Variants in HDAC7 observed in about 807,000 individuals in gnomAD.
HDAC7 encodes the protein histone deacetylase 7.
HDAC7 carries 26 observed loss-of-function variants against 115.5 expected under a neutral mutation model. The ratio of observed to expected loss-of-function variants is 0.23; its 90% CI spans 0.16 to 0.31. HDAC7 has a LOEUF of 0.31. Among genes scored for constraint, HDAC7 ranks in the 10% least tolerant of loss-of-function variants. The probability of loss-of-function intolerance (pLI) is 1.00; values close to 1 mark genes in which losing one functional copy is unlikely to be tolerated. For missense variants in HDAC7, 1,068 were observed against 1,329.0 expected, an observed-to-expected ratio of 0.80 and a Z score of 3.05; for synonymous variants, 564 against 550.9, an observed-to-expected ratio of 1.02 and a Z score of -0.33.
intron 1 of HDAC7, among the ~76,000 whole-genome samples, chr12:47,815,892 G>GA (rs1944834221): frequency 8.2e-6 from 1 of 122,292 alleles, no homozygotes; most frequent in South Asian, 2.6e-4. Context: ...GTCCAGCCAG[G>GA]ATTTTTTTTT....
intron 1 of HDAC7, among the ~76,000 whole-genome samples, chr12:47,810,382 G>A (rs181252001): frequency 1.3e-5 from 2 of 152,304 alleles, no homozygotes; most frequent in East Asian, 3.9e-4. Context: ...GTACACTGGC[G>A]TGGACTGCTT....
At chr12:47,787,935 G>A (rs768303065) in intron 20 of HDAC7, 110 bp downstream of exon 20, 5 of 1,562,244 alleles carry the variant, frequency 3.2e-6, no homozygotes, top group Non-Finnish European at 3.5e-6. Context: ...TTTAGGATCA[G>A]AGAGGCTCAG....
intron 1 of HDAC7, among the ~76,000 whole-genome samples, chr12:47,809,387 C>T (rs1198895010): frequency 6.6e-6 from 1 of 152,154 alleles, no homozygotes; most frequent in Non-Finnish European, 1.5e-5. Flanking sequence ...CAAGGCCACG[C>T]AGCCCATTCC....
chr12:47,801,785 G>C (rs1944177790), intron 2 of HDAC7, among the ~76,000 whole-genome samples: 1 of 152,194 alleles, frequency 6.6e-6, no homozygotes, highest in South Asian at 2.1e-4. Flanking sequence ...AGAGGGAGGA[G>C]GCGCAGACAG....
Position 47,790,091 on chromosome 12 carries a change from A to G in HDAC7, c.1984-171T>C. 3 of 596,696 alleles carry G rather than the reference A, an allele frequency of 5.0e-6. No individual in the cohort carries two copies. In the South Asian group the frequency reaches 5.7e-5, roughly 11 times the overall value. The allele number at this position is 596,696 out of a possible 1,614,324, so 37.0% of individuals were successfully genotyped here. ...AAGGCAAGGCCTCCTGTGTCCCCCAATCCCAGCATGACTTTTTCCCAGCTT... is the reference window on the plus strand; with the variant it reads ...AAGGCAAGGCCTCCTGTGTCCCCCAGTCCCAGCATGACTTTTTCCCAGCTT... On this transcript the variant is annotated intron_variant, in intron 16 of 25. Coordinates refer to ENST00000080059, the MANE Select transcript of HDAC7 (RefSeq NM_015401.5).
At chr12:47,804,458 T>C (rs1452950956) in intron 1 of HDAC7, among the ~76,000 whole-genome samples, 1 of 150,542 alleles carries the variant, frequency 6.6e-6, no homozygotes, top group Non-Finnish European at 1.5e-5. Flanking sequence ...CTGGCTTGAG[T>C]GTGGGACCTC....
chr12:47,788,289 G>GT (rs1943283588), intron 19 of HDAC7, 125 bp from the exon 20 acceptor site: 5 of 1,271,610 alleles, frequency 3.9e-6, no homozygotes, highest in Non-Finnish European at 4.2e-6. Context: ...GGAACCTGGG[G>GT]TTCCTAAAGC....
At chr12:47,820,538 A>T (rs1311251482), upstream of HDAC7, 2 of 151,204 alleles carry the variant, frequency 1.3e-5, no homozygotes, top group East Asian at 3.9e-4. This position sits in a 1 kb window ranked among gnomAD's most constrained non-coding sequence, Gnocchi z 4.3. Context: ...CCCCACTGGC[A>T]CCCCCACACA....
chr12:47,798,607 C>T lies in HDAC7; in HGVS notation c.304G>A (p.Glu102Lys), dbSNP rs201002817. 1 of 1,614,014 alleles carries T rather than the reference C, an allele frequency of 6.2e-7. No homozygotes were observed. The highest frequency in any genetic ancestry group is 1.7e-5 in the Admixed American group (1 of 60,014). ...TGGAGAAGCTGCCGCAGCTCTTGTT[C>T]CTGGGGTCCCACCTGCAACTCGGGC... ...PMPELQVGPQ[E>K]QELRQLLHKD... is the part of the protein sequence containing the mutation. The change falls in exon 4 of 26, where the codon GAA becomes AAA. Residue 102 changes from glutamate (E) to lysine (K), a missense_variant. Glu to Lys is a moderately conservative substitution (Grantham distance 56). Coordinates refer to ENST00000080059, the MANE Select transcript of HDAC7 (RefSeq NM_015401.5). The surrounding 1 kb of genome is among the most constrained non-coding windows in gnomAD (Gnocchi z 4.3).
At position 47,798,144 on chromosome 12, in the gene HDAC7, C is replaced by G. The variant is rs763407199; in HGVS notation, c.425G>C (p.Arg142Thr). The G allele has an allele frequency of 1.7e-5, 27 of 1,613,666 alleles. No individual in the cohort carries two copies. Among genetic ancestry groups the G allele is most frequent in the Non-Finnish European group, 2.2e-5 (26 of 1,179,898 alleles). Residue 142 changes from arginine (R) to threonine (T), a missense_variant, in exon 5 of 26, where the codon AGA becomes ACA. This residue lies in a region of HDAC7 where 618 missense variants were observed against 701.5 expected (regional missense o/e 0.88). Transcript: ENST00000080059. This position sits in a 1 kb window ranked among gnomAD's most constrained non-coding sequence, Gnocchi z 4.3. Reference protein sequence around the residue: ...ILKKQQAALERTVHPNSPGIP... With the variant: ...ILKKQQAALETTVHPNSPGIP... Reference sequence around the variant, plus strand: ...GCCGGGGCTGTTGGGATGGACTGTTCTTTCTAGGGCCGCCTGCTGTTTTTT... The same window carrying G: ...GCCGGGGCTGTTGGGATGGACTGTTGTTTCTAGGGCCGCCTGCTGTTTTTT...
At chr12:47,792,742 C>A in intron 13 of HDAC7, 1 of 448,762 alleles carries the variant, frequency 2.2e-6, no homozygotes, top group South Asian at 1.6e-5. Context: ...ATCTAAATGT[C>A]TAACTGATAA....
At position 47,798,553 on chromosome 12, in the gene HDAC7, C is replaced by A. The variant is rs1054600606; in HGVS notation, c.349+9G>T. On this transcript the variant is annotated intron_variant, in intron 4 of 25. Coordinates refer to ENST00000080059, the MANE Select transcript of HDAC7 (RefSeq NM_015401.5). The surrounding 1 kb of genome is among the most constrained non-coding windows in gnomAD (Gnocchi z 4.3). ...GGGCTGGGCTGGGCTGGGGTGGCCA[C>A]CTCCTTACTTCGCTTGCTCTTGTCC... The A allele has an allele frequency of 1.2e-6, 2 of 1,612,898 alleles. No individual in the cohort carries two copies. The highest frequency in any genetic ancestry group is 2.7e-5 in the African/African-American group (2 of 74,916).
chr12:47,797,291 GCCCAGCCC>G lies in HDAC7; in HGVS notation c.577+85_577+92del. ...AGCCTACCGATGATCTCCTGGCCCA[GCCCAGCCC>G]GCCCACCCCTGCACACTCCTCCCCC... On this transcript the variant is annotated intron_variant, in intron 6 of 25. Transcript: ENST00000080059. The surrounding 1 kb of genome is among the most constrained non-coding windows in gnomAD (Gnocchi z 5.5). 1.8e-5 allele frequency: 24 copies of G among 1,336,038 alleles called. No homozygotes were observed. Among genetic ancestry groups the G allele is most frequent in the Non-Finnish European group, 2.2e-5 (21 of 948,824 alleles). 82.8% of individuals were successfully genotyped at this position (1,336,038 alleles called of 1,614,324 possible). A position where few individuals can be genotyped will look rare whatever the true frequency, so the allele number is the denominator to read the frequency against.
chr12:47,801,609 A>G (rs1944167960), intron 2 of HDAC7, among the ~76,000 whole-genome samples: 2 of 152,184 alleles, frequency 1.3e-5, no homozygotes, highest in African/African-American at 2.4e-5. Context: ...ATCAGGCTGT[A>G]TATCTTGCAC....
intron 7 of HDAC7, among the ~76,000 whole-genome samples, 198 bp downstream of exon 7, chr12:47,796,819 A>C (rs1017302729): frequency 4.6e-5 from 7 of 152,148 alleles, no homozygotes. Flanking sequence ...CTTTTCTGGG[A>C]GATGTCACCT....
At chr12:47,789,065 C>A in intron 19 of HDAC7, 196 bp downstream of exon 19, 1 of 586,786 alleles carries the variant, frequency 1.7e-6, no homozygotes, top group Non-Finnish European at 3.0e-6. Flanking sequence ...TGGCTGAATG[C>A]GTTCCCACAC....
chr12:47,805,126 A>G (rs1442081659), intron 1 of HDAC7, among the ~76,000 whole-genome samples: 2 of 150,216 alleles, frequency 1.3e-5, no homozygotes, highest in African/African-American at 4.9e-5. Context: ...GCTGGAGTGC[A>G]GTGATGTGAA....
At chr12:47,808,813 T>G (rs1031025620) in intron 1 of HDAC7, among the ~76,000 whole-genome samples, 1 of 152,178 alleles carries the variant, frequency 6.6e-6, no homozygotes, top group Non-Finnish European at 1.5e-5. Flanking sequence ...CCTGAGCCAG[T>G]GGGCTCCCCT....
chr12:47,798,662 G>C lies in HDAC7; in HGVS notation c.259-10C>G, dbSNP rs750298976. On this transcript the variant is annotated splice_polypyrimidine_tract_variant and intron_variant, in intron 3 of 25. Transcript: ENST00000080059. This position sits in a 1 kb window ranked among gnomAD's most constrained non-coding sequence, Gnocchi z 4.3. Reference sequence around the variant, plus strand: ...GCGTGTCCATGGAGAGCTGTGGGCAGGGCCGGCAGCCCAGAAAGGGACAAG... The same window carrying C: ...GCGTGTCCATGGAGAGCTGTGGGCACGGCCGGCAGCCCAGAAAGGGACAAG... 7.5e-6 allele frequency: 12 copies of C among 1,610,524 alleles called. No homozygotes were observed. The highest frequency in any genetic ancestry group is 3.4e-5 in the Admixed American group (2 of 59,484).
Sources: gnomAD v4.1 joint callset for allele counts (sites outside exome capture counted in the v4.1 genomes callset) on GRCh38, gnomAD v4.1.1 for gene constraint, gnomAD v4.1.1 regional missense constraint, Gnocchi (gnomAD v3.1) non-coding constraint, MANE v1.5 for transcripts, NCBI Gene and HGNC (gene_info 2026-07-23, HGNC 2026-07-21) for gene names.